The following FOXP1 variants were observed in gnomAD, a reference collection of about 807,000 sequenced individuals.
FOXP1 encodes forkhead box P1, also known as forkhead box protein P1.
In FOXP1, 15 loss-of-function variants were observed where a neutral mutation model predicts 98.2. The observed-to-expected ratio is 0.15, with a 90% CI of 0.10 to 0.24. The LOEUF is 0.24. Ranked by LOEUF, FOXP1 falls within the 10% of genes least tolerant of loss-of-function variation. FOXP1 has a pLI of 1.00. For missense variants in FOXP1, 633 were observed against 848.5 expected (o/e 0.75, Z 3.15); for synonymous variants, 371 against 314.5 (o/e 1.18, Z -1.90).
At chr3:71,573,076 T>A (rs2047459380) in intron 2 of FOXP1, among the ~76,000 whole-genome samples, 1 of 152,172 alleles carries the variant, frequency 6.6e-6, no homozygotes, top group Admixed American at 6.5e-5. Context: ...TAGGATTACC[T>A]TATATTTAAA....
At chr3:71,416,727 G>A (rs1452708548) in intron 3 of FOXP1, among the ~76,000 whole-genome samples, 3 of 151,982 alleles carry the variant, frequency 2.0e-5, no homozygotes, top group African/African-American at 4.8e-5. Context: ...CATATTACAG[G>A]CAGAAGGAAC....
chr3:71,583,362 G>T (rs1433752415), intron 1 of FOXP1: 6 of 789,382 alleles, frequency 7.6e-6, no homozygotes, highest in Non-Finnish European at 9.2e-6. Context: ...TCGACCCGGG[G>T]GGGAGAGGAA....
chr3:71,470,921 GC>G (rs1216290297), intron 3 of FOXP1, among the ~76,000 whole-genome samples: 2 of 152,160 alleles, frequency 1.3e-5, no homozygotes, highest in East Asian at 3.8e-4. Context: ...ATGAGTCTGT[GC>G]CTTAACCTTC....
At chr3:71,138,176 C>A (rs1028029334) in intron 6 of FOXP1, among the ~76,000 whole-genome samples, 1 of 152,228 alleles carries the variant, frequency 6.6e-6, no homozygotes, top group South Asian at 2.1e-4. Flanking sequence ...AGAATGGTGA[C>A]GCTGTCTGGA....
chr3:71,048,971 A>G (rs2107026770), intron 9 of FOXP1, among the ~76,000 whole-genome samples: 1 of 152,318 alleles, frequency 6.6e-6, no homozygotes, highest in South Asian at 2.1e-4. Flanking sequence ...AAGCCAGGAT[A>G]TAAAAGTATA....
At chr3:71,357,466 T>G (rs75764230) in intron 4 of FOXP1, among the ~76,000 whole-genome samples, 6 of 152,328 alleles carry the variant, frequency 3.9e-5, no homozygotes, top group East Asian at 1.9e-4. Context: ...ATTAAACATG[T>G]AAGCAAAATT....
At chr3:71,389,591 A>C (rs746629968) in intron 3 of FOXP1, among the ~76,000 whole-genome samples, 14 of 152,206 alleles carry the variant, frequency 9.2e-5, no homozygotes, top group Non-Finnish European at 1.6e-4. Flanking sequence ...AGCTTTCAGA[A>C]ACATCTCCTC....
chr3:71,353,173 A>C (rs1560356907), intron 4 of FOXP1, among the ~76,000 whole-genome samples: 1 of 152,200 alleles, frequency 6.6e-6, no homozygotes, highest in Non-Finnish European at 1.5e-5. Flanking sequence ...AATTGGACTC[A>C]GACGATGCAG....
intron 2 of FOXP1, among the ~76,000 whole-genome samples, chr3:71,502,149 A>C (rs1391425114): frequency 1.3e-5 from 2 of 152,186 alleles, no homozygotes; most frequent in African/African-American, 4.8e-5. Context: ...CCTTCCACTC[A>C]TGATTCAATT....
At chr3:71,313,678 A>G (rs1375448592) in intron 4 of FOXP1, among the ~76,000 whole-genome samples, 1 of 151,674 alleles carries the variant, frequency 6.6e-6, no homozygotes, top group Non-Finnish European at 1.5e-5. Context: ...GGCACCAGCC[A>G]CCATGCCCGG....
chr3:71,433,661 T>C (rs978065555), intron 3 of FOXP1, among the ~76,000 whole-genome samples: 3 of 152,202 alleles, frequency 2.0e-5, no homozygotes, highest in Non-Finnish European at 4.4e-5. Flanking sequence ...TTTTCCTCCC[T>C]GGTGAGATAA....
chr3:71,016,838 G>A (rs2044570421), intron 11 of FOXP1, among the ~76,000 whole-genome samples: 2 of 151,996 alleles, frequency 1.3e-5, no homozygotes, highest in Admixed American at 1.3e-4. Context: ...AGTGTATTAT[G>A]AACACAAACC....
chr3:71,111,678 C>T (rs1001482818), intron 7 of FOXP1, among the ~76,000 whole-genome samples: 9 of 152,128 alleles, frequency 5.9e-5, no homozygotes, highest in East Asian at 1.9e-4. Flanking sequence ...GGATTACAGG[C>T]GTGAGCCACC....
rs1288481057 is a variant in FOXP1 at position 70,970,754 on chromosome 3, A to G, written c.1704T>C (p.Pro568=). 3.7e-6 allele frequency: 6 copies of G among 1,613,670 alleles called. No homozygotes were observed. The African/African-American group carries it at 5.3e-5, about 14-fold the overall frequency. ...NMQSSHAYCT[P]LNAALQASMA... ...ATCTTACCTGTAAAGCTGCATTGAG[A>G]GGTGTGCAGTAGGCGTGGCTGCTCT... is the stretch of plus-strand genomic sequence containing the variant. The change falls in exon 19 of 21, where the codon CCT becomes CCC. Residue 568 remains proline, a synonymous_variant. Coordinates refer to ENST00000649528, the MANE Select transcript of FOXP1 (RefSeq NM_001349338.3).
chr3:71,057,286 C>T (rs1018761846), intron 7 of FOXP1, among the ~76,000 whole-genome samples: 1 of 59,548 alleles, frequency 1.7e-5, no homozygotes, highest in African/African-American at 5.2e-5. Context: ...TCAGTAAAAA[C>T]GAAACTTTTT....
rs146174486 is a variant in FOXP1, at chr3:71,348,480, C to T, written c.-73+10670G>A. Among the ~76,000 whole-genome samples, 4 of 151,068 alleles carry T rather than the reference C, an allele frequency of 2.6e-5. No homozygotes were observed. The East Asian group carries it at 7.9e-4, about 30-fold the overall frequency. On this transcript the variant is annotated intron_variant, in intron 4 of 20. Coordinates refer to ENST00000649528, the MANE Select transcript of FOXP1 (RefSeq NM_001349338.3). ...GTCTTCAACAAATACCTATTAAACA[C>T]CTCCCAGGTGCCAGTTGCTGTGTTC...
intron 6 of FOXP1, among the ~76,000 whole-genome samples, chr3:71,192,226 C>T (rs911023264): frequency 2.0e-5 from 3 of 152,162 alleles, no homozygotes; most frequent in Admixed American, 6.5e-5. Context: ...AGTTCATAAG[C>T]CACCTTTTTC....
chr3:71,372,685 T>C (rs2079429555), intron 3 of FOXP1, among the ~76,000 whole-genome samples: 1 of 152,114 alleles, frequency 6.6e-6, no homozygotes, highest in Admixed American at 6.5e-5. Context: ...AATTACTAAA[T>C]CTAAATATAC....
chr3:71,401,141 A>G (rs1467377072), intron 3 of FOXP1, among the ~76,000 whole-genome samples: 18 of 152,224 alleles, frequency 1.2e-4, no homozygotes, highest in Non-Finnish European at 5.9e-5. Flanking sequence ...TTCTCTAGTT[A>G]CATATGAAAG....
Sources: gnomAD v4.1 joint callset for allele counts (sites outside exome capture counted in the v4.1 genomes callset) on GRCh38, gnomAD v4.1.1 for gene constraint, MANE v1.5 for transcripts, NCBI Gene and HGNC (gene_info 2026-07-23, HGNC 2026-07-21) for gene names.